The following GRID1 variants were observed in gnomAD, a reference collection of about 807,000 sequenced individuals.
The protein encoded by GRID1 is glutamate receptor ionotropic, delta-1.
In GRID1, 28 loss-of-function variants were observed where a neutral mutation model predicts 98.0. That is an observed-to-expected ratio of 0.29 (90% CI 0.21 to 0.39). The LOEUF (loss-of-function observed/expected upper bound fraction) is 0.39, where lower values mean the gene tolerates loss of function less well. Among genes scored for constraint, GRID1 ranks in the 10% least tolerant of loss-of-function variants. The probability of loss-of-function intolerance (pLI) is 1.00; values close to 1 mark genes in which losing one functional copy is unlikely to be tolerated. For missense variants in GRID1, 1,111 were observed against 1,340.5 expected (o/e 0.83, Z 2.67); for synonymous variants, 553 against 538.5 (o/e 1.03, Z -0.37).
At chr10:86,110,990 C>T (rs529686321) in intron 4 of GRID1, among the ~76,000 whole-genome samples, 3 of 152,300 alleles carry the variant, frequency 2.0e-5, no homozygotes, top group African/African-American at 7.2e-5. Flanking sequence ...TAACAAACAA[C>T]TCAAAACTCA....
chr10:85,953,360 A>C (rs982817816), intron 4 of GRID1, among the ~76,000 whole-genome samples: 3 of 152,182 alleles, frequency 2.0e-5, no homozygotes, highest in East Asian at 3.9e-4. Context: ...ACTGGGGCCT[A>C]TTAGAGGGTG....
chr10:85,818,462 A>C (rs1465703216), intron 8 of GRID1, among the ~76,000 whole-genome samples: 1 of 152,238 alleles, frequency 6.6e-6, no homozygotes. Context: ...AGCTCAGTAA[A>C]AGCAGATACA....
At chr10:86,134,862 C>A (rs1055649344) in intron 4 of GRID1, among the ~76,000 whole-genome samples, 1 of 152,174 alleles carries the variant, frequency 6.6e-6, no homozygotes, top group Non-Finnish European at 1.5e-5. Flanking sequence ...CGTGCTCTTA[C>A]AAGACTTGGC....
intron 2 of GRID1, among the ~76,000 whole-genome samples, chr10:86,342,653 C>T (rs1410269544): frequency 1.3e-5 from 2 of 152,184 alleles, no homozygotes; most frequent in East Asian, 3.9e-4. Flanking sequence ...CCAGCTGGGC[C>T]CATCCTCCAG....
At chr10:86,231,213 C>A (rs530408934) in intron 2 of GRID1, among the ~76,000 whole-genome samples, 1 of 152,150 alleles carries the variant, frequency 6.6e-6, no homozygotes, top group South Asian at 2.1e-4. Context: ...AAATTCCAAG[C>A]GGAAATGGTT....
intron 2 of GRID1, among the ~76,000 whole-genome samples, chr10:86,302,790 C>T (rs12263866): frequency 0.063 from 9,526 of 152,270 alleles, 538 homozygotes; most frequent in African/African-American, 0.15. Context: ...TGTTCTAGAC[C>T]TTAGTTACTC....
chr10:86,185,131 C>G (rs1845710453), intron 3 of GRID1, among the ~76,000 whole-genome samples: 1 of 152,076 alleles, frequency 6.6e-6, no homozygotes, highest in South Asian at 2.1e-4. Context: ...TATGTCTCTC[C>G]ATTTATCTTG....
At chr10:85,782,563 T>C (rs1842390620) in intron 8 of GRID1, among the ~76,000 whole-genome samples, 1 of 152,220 alleles carries the variant, frequency 6.6e-6, no homozygotes, top group African/African-American at 2.4e-5. Flanking sequence ...AGTTGAAATG[T>C]TAAGTGAACA....
chr10:85,920,020 G>T (rs1841680310), intron 4 of GRID1, among the ~76,000 whole-genome samples: 1 of 152,074 alleles, frequency 6.6e-6, no homozygotes, highest in East Asian at 1.9e-4. Flanking sequence ...CTAACCAGGG[G>T]CCCAGAGTGC....
chr10:86,064,502 G>C (rs918489085), intron 4 of GRID1, among the ~76,000 whole-genome samples: 1 of 152,260 alleles, frequency 6.6e-6, no homozygotes, highest in Non-Finnish European at 1.5e-5. Context: ...TGAGGGCACA[G>C]TGCCTGCCTC....
At chr10:85,748,819 T>C (rs1842021322) in intron 8 of GRID1, among the ~76,000 whole-genome samples, 1 of 152,150 alleles carries the variant, frequency 6.6e-6, no homozygotes, top group South Asian at 2.1e-4. Context: ...ATTTCAAATA[T>C]ACAACCTTCC....
At chr10:86,222,473 AC>A (rs1028259140) in intron 2 of GRID1, among the ~76,000 whole-genome samples, 1 of 151,964 alleles carries the variant, frequency 6.6e-6, no homozygotes, top group African/African-American at 2.4e-5. Flanking sequence ...CGGGGCCTTC[AC>A]CCCACTCTGT....
intron 4 of GRID1, among the ~76,000 whole-genome samples, chr10:85,917,488 G>A (rs1841637432): frequency 6.6e-6 from 1 of 152,168 alleles, no homozygotes; most frequent in Admixed American, 6.5e-5. Flanking sequence ...ATAGATATCA[G>A]ACAAGTGTTT....
intron 13 of GRID1, among the ~76,000 whole-genome samples, chr10:85,622,533 G>T (rs1842869849): frequency 6.6e-6 from 1 of 152,118 alleles, no homozygotes; most frequent in African/African-American, 2.4e-5. Flanking sequence ...ACGCCACTAT[G>T]CCAGGCTGCC....
At chr10:85,932,992 T>C (rs1357429636) in intron 4 of GRID1, among the ~76,000 whole-genome samples, 2 of 152,224 alleles carry the variant, frequency 1.3e-5, no homozygotes, top group Non-Finnish European at 2.9e-5. Flanking sequence ...AAACATGTGT[T>C]AGAAACTTAA....
chr10:85,792,400 C>G (rs554020430), intron 8 of GRID1, among the ~76,000 whole-genome samples: 1 of 152,158 alleles, frequency 6.6e-6, no homozygotes, highest in Non-Finnish European at 1.5e-5. Context: ...GGAGCCCTGG[C>G]GAGGTGCCTT....
intron 3 of GRID1, among the ~76,000 whole-genome samples, chr10:86,184,711 A>G (rs926866952): frequency 2.6e-5 from 4 of 152,034 alleles, no homozygotes; most frequent in Admixed American, 2.6e-4. Context: ...AAAAACTAAA[A>G]CTTTTAGTTT....
chr10:86,037,151 C>A lies in GRID1; in HGVS notation c.726+101668G>T, dbSNP rs569904905. Among the ~76,000 whole-genome samples, 6 of 152,282 alleles carry A rather than the reference C, an allele frequency of 3.9e-5. No homozygotes were observed. The South Asian group carries it at 1.2e-3, about 32-fold the overall frequency. On this transcript the variant is annotated intron_variant, in intron 4 of 15. Coordinates refer to ENST00000327946, the MANE Select transcript of GRID1 (RefSeq NM_017551.3). ...TAGCTAGAAATATCATCGAACCTGC[C>A]GTCCAAGCTTTGAGCAACAAAGGTA...
At chr10:85,899,644 G>A (rs1841350947) in intron 5 of GRID1, among the ~76,000 whole-genome samples, 1 of 152,234 alleles carries the variant, frequency 6.6e-6, no homozygotes, top group Non-Finnish European at 1.5e-5. Context: ...CACACAGTAG[G>A]CACTCAGCAA....
Sources: gnomAD v4.1 joint callset for allele counts (sites outside exome capture counted in the v4.1 genomes callset) on GRCh38, gnomAD v4.1.1 for gene constraint, MANE v1.5 for transcripts, NCBI Gene and HGNC (gene_info 2026-07-23, HGNC 2026-07-21) for gene names.